Variants in HAP1 observed in about 807,000 individuals in gnomAD.
HAP1 encodes the protein huntingtin associated protein 1.
A neutral mutation model predicts 60.3 loss-of-function variants in HAP1; 59 were observed. The observed-to-expected ratio is 0.98, with a 90% CI of 0.79 to 1.22. HAP1 has a LOEUF of 1.22. HAP1 is among the 50% of genes most tolerant of loss of function. The pLI is 0.00. For synonymous variants in HAP1, 346 were observed against 330.6 expected, an observed-to-expected ratio of 1.05 and a Z score of -0.50; for missense variants, 825 against 785.3, an observed-to-expected ratio of 1.05 and a Z score of -0.60.
At chr17:41,719,129 C>G (rs893209695), downstream of HAP1, among the ~76,000 whole-genome samples, 2 of 152,012 alleles carry the variant, frequency 1.3e-5, no homozygotes, top group African/African-American at 4.8e-5. Flanking sequence ...TAGGCAGGCA[C>G]CACCATGCCA....
rs1555589405 is a variant in HAP1 at position 41,727,892 on chromosome 17, C to A, written c.1201-56G>T. On this transcript the variant is annotated intron_variant, in intron 7 of 10. Transcript: ENST00000347901. ...TCTGAGGCCTACCCACTCAGGGCAC[C>A]CCCTGCTTCCAGCAAGTCTTCCCAG... is the stretch of plus-strand genomic sequence containing the variant. 8 of 1,067,046 alleles carry A rather than the reference C, an allele frequency of 7.5e-6. No individual in the cohort carries two copies. The Admixed American group carries it at 1.4e-4, about 19-fold the overall frequency. The allele number at this position is 1,067,046 out of a possible 1,614,324, so 66.1% of individuals were successfully genotyped here.
chr17:41,725,111 A>C lies in HAP1; in HGVS notation c.1450T>G (p.Phe484Val), dbSNP rs782236472. 2 of 1,606,730 alleles carry C rather than the reference A, an allele frequency of 1.2e-6. No homozygotes were observed. The highest frequency in any genetic ancestry group is 1.7e-6 in the Non-Finnish European group (2 of 1,176,030). The change falls in exon 11 of 11, where the codon TTT becomes GTT. Residue 484 changes from phenylalanine (F) to valine (V), a missense_variant. Phe to Val is a conservative substitution (Grantham distance 50, BLOSUM62 -1). Coordinates refer to ENST00000347901, the MANE Select transcript of HAP1 (RefSeq NM_177977.3). Reference protein sequence around the residue: ...YSEDREQVRGFEAEEGLMLAA... With the variant: ...YSEDREQVRGVEAEEGLMLAA... ...AGCATCAACCCTTCCTCAGCCTCAA[A>C]CCCCCGCACCTGCTCTCGATCCTCA... is the stretch of plus-strand genomic sequence containing the variant.
chr17:41,731,955 G>T lies in HAP1; in HGVS notation c.878C>A (p.Pro293His). Residue 293 changes from proline to histidine, a missense_variant, in exon 4 of 11, where the codon CCC (proline) becomes CAC (histidine). Pro to His is a moderately conservative substitution (Grantham distance 77, BLOSUM62 -2). Coordinates refer to ENST00000347901, the MANE Select transcript of HAP1 (RefSeq NM_177977.3). ...AACTCACAGCTTAGGGGCATCACAG[G>T]GATGAGCACACTGCAGGTCTTCCTC... ...EAEEDLQCAH[P>H]CDAPKLISQE... 1 of 955,578 alleles carries T rather than the reference G, an allele frequency of 1.0e-6. No homozygotes were observed. Among genetic ancestry groups the T allele is most frequent in the Non-Finnish European group, 1.7e-6 (1 of 599,358 alleles). The allele number at this position is 955,578 out of a possible 1,614,324, so 59.2% of individuals were successfully genotyped here. A position where few individuals can be genotyped will look rare whatever the true frequency, so the allele number is the denominator to read the frequency against.
intron 1 of HAP1, 42 bp downstream of exon 1, chr17:41,734,124 C>T: frequency 6.7e-7 from 1 of 1,496,370 alleles, no homozygotes; most frequent in South Asian, 1.3e-5. Flanking sequence ...CTGGAGTTGC[C>T]CCAGTCCCCA....
chr17:41,725,748 G>A (rs1387863747), intron 10 of HAP1, 111 bp downstream of exon 10: 13 of 828,070 alleles, frequency 1.6e-5, no homozygotes, highest in South Asian at 8.3e-5. Context: ...TCAGCCAGCC[G>A]AGATAGCAGG....
chr17:41,734,054 C>A, intron 1 of HAP1, 112 bp downstream of exon 1: 1 of 781,950 alleles, frequency 1.3e-6, no homozygotes. Context: ...GGGTGGTGGA[C>A]GGGTGACACT....
intron 8 of HAP1, 169 bp from the exon 9 acceptor site, chr17:41,727,313 T>C: frequency 1.3e-6 from 1 of 780,856 alleles, no homozygotes; most frequent in Non-Finnish European, 2.4e-6. Flanking sequence ...GCACGCTGTA[T>C]GGGTAATGGG....
chr17:41,728,401 A>G, intron 6 of HAP1, 70 bp from the exon 7 acceptor site: 1 of 1,478,882 alleles, frequency 6.8e-7, no homozygotes, highest in Non-Finnish European at 9.3e-7. Context: ...GCCCTCCCAG[A>G]TGCCTCTGTC....
At chr17:41,732,935 C>T (rs540080323) in intron 1 of HAP1, 137 bp from the exon 2 acceptor site, 57 of 653,274 alleles carry the variant, frequency 8.7e-5, no homozygotes, top group Non-Finnish European at 8.2e-5. Flanking sequence ...CTGGGCTCCC[C>T]TCCTGCCCCC....
intron 9 of HAP1, 138 bp downstream of exon 9, chr17:41,726,915 A>G: frequency 1.7e-6 from 1 of 603,148 alleles, no homozygotes; most frequent in Non-Finnish European, 2.9e-6. Flanking sequence ...TTCATAGAGA[A>G]GCAATGAGTG....
intron 6 of HAP1, 59 bp downstream of exon 6, chr17:41,731,434 T>G: frequency 8.6e-7 from 1 of 1,165,782 alleles, no homozygotes; most frequent in African/African-American, 1.5e-5. Context: ...CTCCACATCT[T>G]GAGTTCTTTT....
downstream of HAP1, among the ~76,000 whole-genome samples, chr17:41,720,276 A>G (rs1911147622): frequency 6.6e-6 from 1 of 150,690 alleles, no homozygotes; most frequent in Admixed American, 6.6e-5. Flanking sequence ...GCTCACTGCA[A>G]CCTCCGCCTC....
Position 41,731,637 on chromosome 17 carries a change from C to A in HAP1, c.1002+1G>T, listed in dbSNP as rs1555590951. The A allele has an allele frequency of 2.5e-6, 4 of 1,612,882 alleles. No homozygotes were observed. Among genetic ancestry groups the A allele is most frequent in the Non-Finnish European group, 3.4e-6 (4 of 1,178,836 alleles). Reference sequence around the variant, plus strand: ...GGGACGCCCTCCTCCCCCATTCTCACCTCTTCTCTCAGCTGATGATTCTCC... The same window carrying A: ...GGGACGCCCTCCTCCCCCATTCTCAACTCTTCTCTCAGCTGATGATTCTCC... On this transcript the variant is annotated splice_donor_variant, in intron 5 of 10. Transcript: ENST00000347901. LOFTEE classifies it high-confidence loss of function.
rs1912279230 is a variant in HAP1, at chr17:41,732,316, T to C, written c.628A>G (p.Ile210Val). The C allele has an allele frequency of 2.5e-6, 4 of 1,614,146 alleles. No individual in the cohort carries two copies. The highest frequency in any genetic ancestry group is 3.4e-6 in the Non-Finnish European group (4 of 1,180,000). ...RERDLNTAAR[I>V]GQSLVKQNSV... ...TTCTGTTTCACCAGGGACTGGCCGA[T>C]GCGAGCTGCAGTGTTCAGGTCCCTC... The change falls in exon 3 of 11, where the codon ATC becomes GTC. Residue 210 changes from isoleucine to valine, a missense_variant. Ile to Val is a conservative substitution (Grantham distance 29, BLOSUM62 3). Coordinates refer to ENST00000347901, the MANE Select transcript of HAP1 (RefSeq NM_177977.3).
chr17:41,727,979 A>C (rs545503849), intron 7 of HAP1, 143 bp from the exon 8 acceptor site: 23 of 698,010 alleles, frequency 3.3e-5, no homozygotes, highest in Non-Finnish European at 1.5e-5. Context: ...AGGGCAAAGA[A>C]GGCAGGGGAG....
chr17:41,719,810 CTAA>C (rs1393453665), downstream of HAP1, among the ~76,000 whole-genome samples: 2 of 151,486 alleles, frequency 1.3e-5, no homozygotes, highest in Admixed American at 6.6e-5. Flanking sequence ...ATTTTATTCA[CTAA>C]TGAGTATCAA....
At position 41,727,117 on chromosome 17, in the gene HAP1, G is replaced by A. The variant is rs896728289; in HGVS notation, c.1303C>T (p.Leu435=). ...EETLPGFQET[L]AEELRTSLRR... ...AGAGACGTTCTGAGCTCCTCAGCCAGCGTCTCCTGGAAACCAGGAAGAGTC... is the reference window on the plus strand; with the variant it reads ...AGAGACGTTCTGAGCTCCTCAGCCAACGTCTCCTGGAAACCAGGAAGAGTC... Residue 435 remains leucine, a synonymous_variant, in exon 9 of 11, where the codon CTG becomes TTG. Coordinates refer to ENST00000347901, the MANE Select transcript of HAP1 (RefSeq NM_177977.3). 1.9e-6 allele frequency: 3 copies of A among 1,593,762 alleles called. No homozygotes were observed. Among genetic ancestry groups the A allele is most frequent in the Non-Finnish European group, 2.6e-6 (3 of 1,164,592 alleles).
chr17:41,720,019 AGCTGGGATTACAGGC>A (rs1187233163), downstream of HAP1, among the ~76,000 whole-genome samples: 2 of 150,292 alleles, frequency 1.3e-5, no homozygotes, highest in Non-Finnish European at 2.9e-5. Context: ...CGTCCCAAGT[AGCTGGGATTACAGGC>A]GCCCACCACC....
downstream of HAP1, chr17:41,720,733 T>C (rs532058489): frequency 1.3e-5 from 2 of 151,866 alleles, no homozygotes; most frequent in Admixed American, 6.6e-5. Context: ...CAGTGTCAGA[T>C]GACAGTTAGA....
Sources: allele counts gnomAD v4.1 joint callset (sites outside exome capture counted in the v4.1 genomes callset), GRCh38; gene constraint gnomAD v4.1.1; transcripts MANE v1.5; gene names NCBI Gene and HGNC (gene_info 2026-07-23, HGNC 2026-07-21).